The following AFG1L variants were observed in gnomAD, a reference collection of about 807,000 sequenced individuals.
AFG1L encodes AFG1 like ATPase, also known as AFG1-like ATPase.
AFG1L carries 53 observed loss-of-function variants against 62.2 expected under a neutral mutation model. The ratio of observed to expected loss-of-function variants is 0.85; its 90% CI spans 0.68 to 1.07. The LOEUF is 1.07. AFG1L is among the 50% of genes least tolerant of loss of function. The pLI, the probability that AFG1L is intolerant of heterozygous loss-of-function variation, is 0.00. For missense variants in AFG1L, 555 were observed against 590.5 expected (o/e 0.94, Z 0.62); for synonymous variants, 228 against 210.3 (o/e 1.08, Z -0.73).
chr6:108,447,288 C>G lies in AFG1L; in HGVS notation c.882C>G (p.Leu294=), dbSNP rs772652460. The G allele has an allele frequency of 1.3e-6, 2 of 1,587,050 alleles. No individual in the cohort carries two copies. The highest frequency in any genetic ancestry group is 1.3e-5 in the African/African-American group (1 of 74,370). ...GGGAACTTCCTGCTGCAGGAAAACTCTACTACCTGTAAGTGTTTCTAATTT... is the reference window on the plus strand; with the variant it reads ...GGGAACTTCCTGCTGCAGGAAAACTGTACTACCTGTAAGTGTTTCTAATTT... ...RKRELPAAGK[L]YYLTSEADVE... Residue 294 remains leucine (L), a synonymous_variant, in exon 8 of 13, where the codon CTC becomes CTG. Transcript: ENST00000368977.
intron 7 of AFG1L, among the ~76,000 whole-genome samples, chr6:108,446,491 C>CTTTTT (rs1184074963): frequency 1.9e-4 from 23 of 122,292 alleles, no homozygotes; most frequent in East Asian, 9.3e-4. Context: ...CTCTCTCTCT[C>CTTTTT]TTTTTTTTTT....
intron 6 of AFG1L, among the ~76,000 whole-genome samples, chr6:108,369,057 T>C (rs550240266): frequency 6.6e-6 from 1 of 152,272 alleles, no homozygotes; most frequent in South Asian, 2.1e-4. Context: ...CAGACAATCA[T>C]CATAAATAAC....
At chr6:108,488,457 A>G (rs1172575383) in intron 10 of AFG1L, among the ~76,000 whole-genome samples, 1 of 151,774 alleles carries the variant, frequency 6.6e-6, no homozygotes, top group Non-Finnish European at 1.5e-5. Flanking sequence ...GGTTGGGGGG[A>G]GTATGAGGCA....
At chr6:108,417,482 A>G (rs934542861) in intron 7 of AFG1L, among the ~76,000 whole-genome samples, 4 of 152,196 alleles carry the variant, frequency 2.6e-5, no homozygotes, top group African/African-American at 7.2e-5. Context: ...ACATAGAAGT[A>G]TGAGAACTGT....
chr6:108,396,189 C>A (rs1294991801), intron 6 of AFG1L, among the ~76,000 whole-genome samples: 1 of 151,724 alleles, frequency 6.6e-6, no homozygotes, highest in East Asian at 1.9e-4. Flanking sequence ...TATAGAATGA[C>A]TTTTAAAAGG....
At chr6:108,454,193 ACTT>A in intron 8 of AFG1L, among the ~76,000 whole-genome samples, 1 of 152,182 alleles carries the variant, frequency 6.6e-6, no homozygotes, top group Non-Finnish European at 1.5e-5. Context: ...TATCATTTCT[ACTT>A]CTCACACTAG....
chr6:108,410,350 G>T (rs893612492), intron 7 of AFG1L, among the ~76,000 whole-genome samples: 3 of 151,938 alleles, frequency 2.0e-5, no homozygotes, highest in Non-Finnish European at 4.4e-5. Flanking sequence ...AACTGAACCT[G>T]AACCTGAAGG....
chr6:108,399,174 GTTTGTTTTTTT>G (rs1781445216), intron 6 of AFG1L, among the ~76,000 whole-genome samples: 2 of 51,414 alleles, frequency 3.9e-5, no homozygotes, highest in African/African-American at 1.7e-4. Context: ...CACTTCTTTT[GTTTGTTTTTTT>G]TTTTTTTTTT....
chr6:108,353,395 A>G (rs1433083528), intron 3 of AFG1L, among the ~76,000 whole-genome samples: 1 of 152,042 alleles, frequency 6.6e-6, no homozygotes, highest in African/African-American at 2.4e-5. Flanking sequence ...GGCTCAAGCA[A>G]TTCTCCCTCC....
chr6:108,440,107 C>T (rs547820995), intron 7 of AFG1L, among the ~76,000 whole-genome samples: 25 of 152,264 alleles, frequency 1.6e-4, no homozygotes, highest in African/African-American at 5.8e-4. Context: ...TTCATTTCTA[C>T]TGTTATGCTT....
At chr6:108,447,000 T>C (rs960688665) in intron 7 of AFG1L, among the ~76,000 whole-genome samples, 8 of 152,230 alleles carry the variant, frequency 5.3e-5, no homozygotes, top group Non-Finnish European at 1.0e-4. Flanking sequence ...CAAATTTTAA[T>C]TTTTTTAAAC....
At chr6:108,347,138 C>A in intron 3 of AFG1L, 99 bp downstream of exon 3, 1 of 1,023,728 alleles carries the variant, frequency 9.8e-7, no homozygotes, top group Non-Finnish European at 1.5e-6. Context: ...CTGTTACCAG[C>A]AAGGGAATAG....
At chr6:108,440,250 C>T (rs146656418) in intron 7 of AFG1L, among the ~76,000 whole-genome samples, 6,359 of 152,068 alleles carry the variant, frequency 0.042, 190 homozygotes, top group Non-Finnish European at 0.063. Flanking sequence ...TTCATTGCAA[C>T]CTCCACCTCC....
At chr6:108,400,680 AT>A (rs1264984329) in intron 6 of AFG1L, among the ~76,000 whole-genome samples, 12 of 89,612 alleles carry the variant, frequency 1.3e-4, no homozygotes, top group African/African-American at 4.3e-4. Context: ...TATATTATAT[AT>A]TATATAATTA....
intron 10 of AFG1L, among the ~76,000 whole-genome samples, chr6:108,484,484 T>G (rs73763128): frequency 0.035 from 5,366 of 152,280 alleles, 302 homozygotes; most frequent in African/African-American, 0.12. Context: ...AGAGTCATAG[T>G]CTTGGTGTTG....
intron 6 of AFG1L, among the ~76,000 whole-genome samples, chr6:108,386,745 C>T (rs1371998101): frequency 1.3e-5 from 2 of 152,102 alleles, no homozygotes; most frequent in East Asian, 3.9e-4. Flanking sequence ...AGATGTGATA[C>T]ATGTGACACC....
intron 12 of AFG1L, 35 bp from the exon 13 acceptor site, chr6:108,522,262 A>G (rs1263254058): frequency 6.3e-7 from 1 of 1,599,722 alleles, no homozygotes; most frequent in Non-Finnish European, 8.5e-7. Flanking sequence ...TTCATTTGTG[A>G]TAGCTTTATT....
chr6:108,521,638 T>C (rs967251443), intron 12 of AFG1L: 1 of 152,174 alleles, frequency 6.6e-6, no homozygotes, highest in Non-Finnish European at 1.5e-5. Context: ...CTAGAATTTT[T>C]CTCTGAAAAA....
intron 7 of AFG1L, among the ~76,000 whole-genome samples, chr6:108,410,010 A>T (rs564085630): frequency 6.6e-6 from 1 of 152,280 alleles, no homozygotes; most frequent in Admixed American, 6.5e-5. Flanking sequence ...CCCCATCAAG[A>T]ATCATACATT....
Sources: allele counts gnomAD v4.1 joint callset (sites outside exome capture counted in the v4.1 genomes callset), GRCh38; gene constraint gnomAD v4.1.1; transcripts MANE v1.5; gene names NCBI Gene and HGNC (gene_info 2026-07-23, HGNC 2026-07-21).